Variants in FAM216A observed in about 807,000 individuals in gnomAD.
FAM216A encodes the protein protein FAM216A.
FAM216A carries 26 observed loss-of-function variants against 37.6 expected under a neutral mutation model. The observed-to-expected ratio is 0.69, with a 90% confidence interval of 0.51 to 0.96. The LOEUF (loss-of-function observed/expected upper bound fraction) is 0.96, where lower values mean the gene tolerates loss of function less well. Ranked by LOEUF, FAM216A falls within the 40% of genes least tolerant of loss-of-function variation. The probability of loss-of-function intolerance (pLI) is 0.00; values close to 1 mark genes in which losing one functional copy is unlikely to be tolerated. For missense variants in FAM216A, 326 were observed against 339.3 expected, an observed-to-expected ratio of 0.96 and a Z score of 0.31; for synonymous variants, 110 against 121.7, an observed-to-expected ratio of 0.90 and a Z score of 0.64.
intron 2 of FAM216A, among the ~76,000 whole-genome samples, chr12:110,477,529 A>AT (rs948867936): frequency 6.7e-5 from 10 of 148,544 alleles, no homozygotes; most frequent in African/African-American, 2.2e-4. Flanking sequence ...ATTTTTTTGT[A>AT]TTTTTTTTAG....
chr12:110,488,362 G>T (rs1051630437), intron 6 of FAM216A, among the ~76,000 whole-genome samples: 1 of 145,278 alleles, frequency 6.9e-6, no homozygotes, highest in Non-Finnish European at 1.5e-5. Flanking sequence ...AGTGAGCTGA[G>T]ATTGCGCCAC....
chr12:110,485,378 C>T (rs1177447400), intron 3 of FAM216A, among the ~76,000 whole-genome samples, 179 bp downstream of exon 3: 2 of 151,934 alleles, frequency 1.3e-5, no homozygotes, highest in Non-Finnish European at 2.9e-5. Flanking sequence ...AAAGATTATA[C>T]ATTCTTTATC....
At position 110,486,454 on chromosome 12, in the gene FAM216A, G is replaced by C. The variant is rs572715512; in HGVS notation, c.436G>C (p.Gly146Arg). 9 of 1,610,620 alleles carry C rather than the reference G, an allele frequency of 5.6e-6. No individual in the cohort carries two copies. The East Asian group carries it at 2.0e-4, about 36-fold the overall frequency. The change falls in exon 4 of 7, where the codon GGT becomes CGT. Residue 146 changes from glycine to arginine, a missense_variant and splice_region_variant. Transcript: ENST00000377673. The part of the protein sequence containing the change: ...HVLQHSSQKP[G>R]VLTHHRSRLS... ...ACTTCAGCACAGCTCACAAAAGCCA[G>C]GCAGGTGCACCTCCAGTTGTCTTTT...
upstream of FAM216A, chr12:110,468,669 CAG>C (rs2062656375): frequency 2.6e-6 from 4 of 1,536,102 alleles, no homozygotes; most frequent in Admixed American, 5.9e-5. Flanking sequence ...ACTGCTTCCA[CAG>C]AGAGGTGCAA....
At chr12:110,470,243 C>A (rs778759546) in intron 1 of FAM216A, among the ~76,000 whole-genome samples, 3 of 151,440 alleles carry the variant, frequency 2.0e-5, no homozygotes, top group Non-Finnish European at 2.9e-5. Context: ...GGATTACAAG[C>A]GCCTGCCACC....
chr12:110,469,318 G>C lies in FAM216A; in HGVS notation c.143+300G>C, dbSNP rs1420316595. ...TCTCTCTGCCCCGAGGGGGCGCTGC[G>C]AGCCCTGCTGGGACGTTTGCTGTCT... On this transcript the variant is annotated intron_variant, in intron 1 of 6. Coordinates refer to ENST00000377673, the MANE Select transcript of FAM216A (RefSeq NM_013300.3). 3.0e-5 allele frequency: 10 copies of C among 337,236 alleles called. No individual in the cohort carries two copies. The East Asian group carries it at 4.8e-4, about 16-fold the overall frequency. The allele number at this position is 337,236 out of a possible 1,614,324, so 20.9% of individuals were successfully genotyped here.
chr12:110,482,957 A>G (rs964413306), intron 2 of FAM216A, among the ~76,000 whole-genome samples: 17 of 152,156 alleles, frequency 1.1e-4, no homozygotes, highest in Admixed American at 8.5e-4. Context: ...AAATGAATCT[A>G]TGGTAATAGA....
At chr12:110,468,529 C>T (rs1466742313), upstream of FAM216A, 7 of 1,537,168 alleles carry the variant, frequency 4.6e-6, no homozygotes, top group South Asian at 1.2e-5. Flanking sequence ...TGCTTCGGTC[C>T]GTGGTTTGCG....
chr12:110,488,482 T>C (rs1478526305), intron 6 of FAM216A, among the ~76,000 whole-genome samples: 3 of 151,860 alleles, frequency 2.0e-5, no homozygotes, highest in African/African-American at 7.3e-5. Context: ...TCAAGGTATT[T>C]CTAATGCTAA....
intron 2 of FAM216A, among the ~76,000 whole-genome samples, chr12:110,476,425 G>T (rs1390698978): frequency 2.0e-5 from 3 of 151,358 alleles, no homozygotes; most frequent in Non-Finnish European, 1.5e-5. Context: ...AGCCAGGATG[G>T]TCTCAATCTC....
chr12:110,478,717 C>T (rs1397757654), intron 2 of FAM216A, among the ~76,000 whole-genome samples: 1 of 152,046 alleles, frequency 6.6e-6, no homozygotes, highest in African/African-American at 2.4e-5. Context: ...CCAGGCACCC[C>T]GATGCCTTGA....
At chr12:110,484,793 C>T (rs1191496561) in intron 2 of FAM216A, among the ~76,000 whole-genome samples, 2 of 151,626 alleles carry the variant, frequency 1.3e-5, no homozygotes, top group African/African-American at 2.4e-5. Context: ...CACTCTTTCG[C>T]CCAGGCTGGA....
intron 3 of FAM216A, 133 bp downstream of exon 3, chr12:110,485,332 C>T: frequency 1.6e-6 from 1 of 639,766 alleles, no homozygotes; most frequent in Non-Finnish European, 2.6e-6. Flanking sequence ...GTCTAGGAGT[C>T]AATAAATATC....
rs550262200 is a variant in FAM216A, at chr12:110,470,767, C to T, written c.143+1749C>T. 5.9e-5 allele frequency among the ~76,000 whole-genome samples: 9 copies of T among 152,112 alleles called. No individual in the cohort carries two copies. In the South Asian group the frequency reaches 1.2e-3, roughly 21 times the overall value. ...GTTGTTTGTCCTTTCCTTTTATCTCCGCCTGTCGTTCATCTCCATGCTTCC... is the reference window on the plus strand; with the variant it reads ...GTTGTTTGTCCTTTCCTTTTATCTCTGCCTGTCGTTCATCTCCATGCTTCC... On this transcript the variant is annotated intron_variant, in intron 1 of 6. Coordinates refer to ENST00000377673, the MANE Select transcript of FAM216A (RefSeq NM_013300.3).
At chr12:110,489,905 T>C (rs142172556) in intron 6 of FAM216A, 114 bp from the exon 7 acceptor site, 89 of 602,902 alleles carry the variant, frequency 1.5e-4, no homozygotes, top group African/African-American at 1.3e-3. Context: ...GCCTTGAAAA[T>C]TGCAGGCAAT....
At chr12:110,488,379 C>T (rs2062788309) in intron 6 of FAM216A, among the ~76,000 whole-genome samples, 1 of 148,482 alleles carries the variant, frequency 6.7e-6, no homozygotes, top group Non-Finnish European at 1.5e-5. Flanking sequence ...CCACTGTACT[C>T]CAGCCTGGGT....
At chr12:110,482,921 C>T (rs1294684611) in intron 2 of FAM216A, among the ~76,000 whole-genome samples, 2 of 151,942 alleles carry the variant, frequency 1.3e-5, no homozygotes, top group African/African-American at 4.8e-5. Flanking sequence ...TGTGTATTCC[C>T]ATTTATATCA....
At chr12:110,483,593 G>A (rs541340737) in intron 2 of FAM216A, among the ~76,000 whole-genome samples, 3 of 152,282 alleles carry the variant, frequency 2.0e-5, no homozygotes, top group Admixed American at 6.5e-5. Flanking sequence ...GGAGGCCAAC[G>A]CAGGCGGATC....
At chr12:110,488,103 T>C (rs2062786874) in intron 6 of FAM216A, among the ~76,000 whole-genome samples, 160 bp downstream of exon 6, 2 of 152,184 alleles carry the variant, frequency 1.3e-5, no homozygotes, top group South Asian at 2.1e-4. Flanking sequence ...ATATAGTTTA[T>C]GCTTGCAATT....
Sources: allele counts gnomAD v4.1 joint callset (sites outside exome capture counted in the v4.1 genomes callset), GRCh38; gene constraint gnomAD v4.1.1; transcripts MANE v1.5; gene names NCBI Gene and HGNC (gene_info 2026-07-23, HGNC 2026-07-21).